The following MROH1 variants were observed in gnomAD, a reference collection of about 807,000 sequenced individuals.
MROH1 encodes maestro heat like repeat family member 1.
Under a neutral mutation model 116.5 loss-of-function variants are expected in MROH1, and 117 were observed. The ratio of observed to expected loss-of-function variants is 1.00; its 90% CI spans 0.86 to 1.17. The LOEUF is 1.17. MROH1 is among the 50% of genes most tolerant of loss of function. MROH1 has a pLI of 0.00. For synonymous variants in MROH1, 921 were observed against 583.9 expected, an observed-to-expected ratio of 1.58 and a Z score of -8.32; for missense variants, 1,873 against 1,338.5, an observed-to-expected ratio of 1.40 and a Z score of -6.23.
At chr8:144,232,785 A>C (rs1338436682) in intron 14 of MROH1, among the ~76,000 whole-genome samples, 1 of 149,086 alleles carries the variant, frequency 6.7e-6, no homozygotes, top group African/African-American at 2.5e-5. Context: ...GAGCCACCGC[A>C]CCTGGCCTAT....
At chr8:144,188,449 ATTTTTTTTTTTTTTTTTTTTTTTTT>A (rs573524223) in intron 7 of MROH1, among the ~76,000 whole-genome samples, 1 of 45,836 alleles carries the variant, frequency 2.2e-5, no homozygotes, top group East Asian at 8.2e-4. Context: ...CCACTGCCCA[ATTTTTTTTTTTTTTTTTTTTTTTTT>A]TTTTTTTTTT....
chr8:144,239,126 A>C lies in MROH1; in HGVS notation c.1538A>C (p.Gln513Pro). The change falls in exon 16 of 44, where the codon CAG (glutamine) becomes CCG (proline). Residue 513 changes from glutamine (Q) to proline (P), a missense_variant. Physicochemically the swap from Gln to Pro is moderately conservative, Grantham distance 76 (BLOSUM62 -1). Transcript: ENST00000326134. ...PLCRSLVHLA[Q>P]KRQEAGADAF... ...TGCAGGAGCCTCGTGCATCTGGCGC[A>C]GAAGAGGCAGGAGGCCGGGGCCGAC... The C allele has an allele frequency of 1.3e-6, 1 of 773,206 alleles. No homozygotes were observed. Among genetic ancestry groups the C allele is most frequent in the South Asian group, 1.3e-5 (1 of 74,542 alleles). The allele number at this position is 773,206 out of a possible 1,614,324, so 47.9% of individuals were successfully genotyped here.
chr8:144,191,798 C>G lies in MROH1; in HGVS notation c.798C>G (p.Leu266=). ...GGCTGGAAGAGCAGCTGCCCAAGCT[C>G]CTCCCTGGGATTCTCGCCCTCTACA... is the stretch of plus-strand genomic sequence containing the variant. ...SERLEEQLPK[L]LPGILALYKK... Residue 266 remains leucine, a synonymous_variant, in exon 9 of 44, where the codon CTC becomes CTG. Coordinates refer to ENST00000326134, the MANE Select transcript of MROH1 (RefSeq NM_032450.3). 6.2e-7 allele frequency: 1 copy of G among 1,613,500 alleles called. No individual in the cohort carries two copies.
chr8:144,254,574 GTGTA>G, intron 33 of MROH1: 1 of 533,616 alleles, frequency 1.9e-6, no homozygotes, highest in Non-Finnish European at 3.4e-6. Flanking sequence ...TGGGCCCTGT[GTGTA>G]TAGGCCCAGA....
chr8:144,168,483 G>A (rs1821552757), intron 4 of MROH1, 43 bp downstream of exon 4: 1 of 1,562,418 alleles, frequency 6.4e-7, no homozygotes, highest in East Asian at 2.3e-5. Context: ...CAGGGCCATG[G>A]TCGGTTGGGG....
intron 12 of MROH1, among the ~76,000 whole-genome samples, chr8:144,219,265 G>A (rs551960740): frequency 1.3e-5 from 2 of 152,048 alleles, no homozygotes; most frequent in South Asian, 2.1e-4. Flanking sequence ...CTCGTGATCC[G>A]CCCGTCTCGG....
At chr8:144,165,225 C>T (rs978522539) in intron 3 of MROH1, among the ~76,000 whole-genome samples, 18 of 151,268 alleles carry the variant, frequency 1.2e-4, no homozygotes, top group African/African-American at 4.4e-4. Context: ...TCAAGTGATT[C>T]TCCCTGCCTC....
At chr8:144,181,936 T>C (rs2131371858) in intron 7 of MROH1, among the ~76,000 whole-genome samples, 1 of 152,328 alleles carries the variant, frequency 6.6e-6, no homozygotes, top group South Asian at 2.1e-4. Flanking sequence ...TACCTTCCCC[T>C]TCATAGGGGA....
chr8:144,150,584 C>T (rs1816484753), intron 1 of MROH1, among the ~76,000 whole-genome samples: 1 of 152,224 alleles, frequency 6.6e-6, no homozygotes, highest in Non-Finnish European at 1.5e-5. Context: ...GTGTGCTGGC[C>T]TCACTGCAAG....
rs1053692548 is a variant in MROH1, at chr8:144,153,259, C to T, written c.-177+5183C>T. 4.5e-3 allele frequency among the ~76,000 whole-genome samples: 681 copies of T among 151,770 alleles called. 4 individuals carry two copies. The highest frequency in any genetic ancestry group is 0.015 in the African/African-American group (640 of 41,318). On this transcript the variant is annotated intron_variant, in intron 1 of 43. Transcript: ENST00000326134. ...TTGCCCAGGCTGAAGTGTAATGGCT[C>T]GATCTCGGCTCACTGCAACCTCCGC...
intron 38 of MROH1, 43 bp downstream of exon 38, chr8:144,260,100 T>G (rs1588565382): frequency 1.4e-6 from 1 of 739,674 alleles, no homozygotes; most frequent in Middle Eastern, 2.5e-4. Context: ...GCAGCATGGG[T>G]GGGGGGCTGT....
chr8:144,261,883 A>G lies in MROH1; in HGVS notation c.*143A>G. 1.5e-6 allele frequency: 1 copy of G among 674,722 alleles called. No homozygotes were observed. The highest frequency in any genetic ancestry group is 2.7e-6 in the Non-Finnish European group (1 of 372,746). The allele number at this position is 674,722 out of a possible 1,614,324, so 41.8% of individuals were successfully genotyped here. On this transcript the variant is annotated 3_prime_UTR_variant, in exon 44 of 44. Coordinates refer to ENST00000326134, the MANE Select transcript of MROH1 (RefSeq NM_032450.3). ...CAGGCACTGCTGGGGACCAAACCCA[A>G]GCCCTTCAGTGAGGGATGTGCCCAA... is the stretch of plus-strand genomic sequence containing the variant.
At chr8:144,200,335 C>T in intron 11 of MROH1, 93 bp from the exon 12 acceptor site, 1 of 1,023,238 alleles carries the variant, frequency 9.8e-7, no homozygotes, top group Non-Finnish European at 1.4e-6. Flanking sequence ...CAACTCTCCT[C>T]TGGCTCCTCC....
At chr8:144,234,992 A>G (rs1213022985) in intron 14 of MROH1, among the ~76,000 whole-genome samples, 3 of 144,490 alleles carry the variant, frequency 2.1e-5, no homozygotes, top group Non-Finnish European at 4.5e-5. Flanking sequence ...TCCCAGGTTC[A>G]AGCAGTTCTC....
At chr8:144,160,060 C>G (rs992015358) in intron 1 of MROH1, among the ~76,000 whole-genome samples, 1 of 152,114 alleles carries the variant, frequency 6.6e-6, no homozygotes, top group Non-Finnish European at 1.5e-5. Flanking sequence ...TGAGCCACCG[C>G]GCCCGGCCCA....
At chr8:144,261,439 C>CG in intron 43 of MROH1, 90 bp downstream of exon 43, 1 of 699,942 alleles carries the variant, frequency 1.4e-6, no homozygotes, top group Admixed American at 2.0e-5. Flanking sequence ...GATTTCAGGA[C>CG]TTTTTCCCTG....
chr8:144,204,444 G>A (rs917358456), intron 12 of MROH1, among the ~76,000 whole-genome samples: 1 of 152,146 alleles, frequency 6.6e-6, no homozygotes, highest in Non-Finnish European at 1.5e-5. Context: ...TTTATTTGAA[G>A]TATAATACAC....
chr8:144,175,864 C>A (rs1823768159), intron 4 of MROH1, among the ~76,000 whole-genome samples: 1 of 152,098 alleles, frequency 6.6e-6, no homozygotes, highest in African/African-American at 2.4e-5. Flanking sequence ...ACCTGGCCAA[C>A]ATGGTGAAAC....
Position 144,255,642 on chromosome 8 carries a change from T to C in MROH1, c.3728T>C (p.Leu1243Pro). ...GTGGGTGTCCAGCTGCCCCGGAACC[T>C]GCAGGCCCAGGAAAGGAGGGGTGCC... ...CTVGVQLPRNLQAQERRGASP... is the reference protein window; with the variant it reads ...CTVGVQLPRNPQAQERRGASP... The change falls in exon 35 of 44, where the codon CTG (leucine) becomes CCG (proline). Residue 1243 changes from leucine to proline, a missense_variant. Coordinates refer to ENST00000326134, the MANE Select transcript of MROH1 (RefSeq NM_032450.3). 1 of 771,826 alleles carries C rather than the reference T, an allele frequency of 1.3e-6. No individual in the cohort carries two copies. Among genetic ancestry groups the C allele is most frequent in the Admixed American group, 1.7e-5 (1 of 57,926 alleles). The allele number at this position is 771,826 out of a possible 1,614,324, so 47.8% of individuals were successfully genotyped here.
Sources: gnomAD v4.1 joint callset for allele counts (sites outside exome capture counted in the v4.1 genomes callset) on GRCh38, gnomAD v4.1.1 for gene constraint, MANE v1.5 for transcripts, NCBI Gene and HGNC (gene_info 2026-07-23, HGNC 2026-07-21) for gene names.